RUBCNL: variants seen among roughly 807,000 people sequenced by gnomAD.
RUBCNL encodes protein associated with UVRAG as autophagy enhancer.
A neutral mutation model predicts 69.5 loss-of-function variants in RUBCNL; 62 were observed. The observed-to-expected ratio is 0.89, with a 90% CI of 0.73 to 1.10. The LOEUF is 1.10. Among genes scored for constraint, RUBCNL ranks in the 50% least tolerant of loss-of-function variants. The probability of loss-of-function intolerance (pLI) is 0.00; values close to 1 mark genes in which losing one functional copy is unlikely to be tolerated. For synonymous variants in RUBCNL, 291 were observed against 303.6 expected, an observed-to-expected ratio of 0.96 and a Z score of 0.43; for missense variants, 768 against 798.1, an observed-to-expected ratio of 0.96 and a Z score of 0.45.
intron 2 of RUBCNL, among the ~76,000 whole-genome samples, chr13:46,376,198 G>A (rs1300679940): frequency 6.6e-6 from 1 of 152,088 alleles, no homozygotes; most frequent in African/African-American, 2.4e-5. Flanking sequence ...AAAGTTGTGC[G>A]CAGATTTTCA....
At chr13:46,382,415 T>C (rs949298326) in intron 1 of RUBCNL, among the ~76,000 whole-genome samples, 2 of 150,638 alleles carry the variant, frequency 1.3e-5, no homozygotes, top group Admixed American at 6.6e-5. Flanking sequence ...ATTGTCATGA[T>C]AGAACTATCT....
In RUBCNL at chr13:46,363,147, C is replaced by T. The variant is rs752898928; in HGVS notation, c.893G>A (p.Cys298Tyr). 2 of 1,600,932 alleles carry T rather than the reference C, an allele frequency of 1.2e-6. No individual in the cohort carries two copies. The highest frequency in any genetic ancestry group is 1.1e-5 in the South Asian group (1 of 89,726). The change falls in exon 6 of 15, where the codon TGC (cysteine) becomes TAC (tyrosine). Residue 298 changes from cysteine (C) to tyrosine (Y), a missense_variant. Cys to Tyr is a radical substitution (Grantham distance 194). Coordinates refer to ENST00000429979, the MANE Select transcript of RUBCNL (RefSeq NM_025113.5). ...TRTYHDVKEI[C>Y]KCDVDEFVIL... ...AACAAATTCATCAACATCGCATTTGCAAATCTCTTTCACATCATGGTAAGT... is the reference window on the plus strand; with the variant it reads ...AACAAATTCATCAACATCGCATTTGTAAATCTCTTTCACATCATGGTAAGT...
chr13:46,385,593 T>C (rs2049221256), intron 1 of RUBCNL, among the ~76,000 whole-genome samples: 1 of 150,432 alleles, frequency 6.6e-6, no homozygotes, highest in South Asian at 2.1e-4. Context: ...TGCCTTCAGA[T>C]GGGTGGGGAA....
At chr13:46,372,881 T>C (rs533993636) in intron 2 of RUBCNL, among the ~76,000 whole-genome samples, 1 of 151,910 alleles carries the variant, frequency 6.6e-6, no homozygotes, top group African/African-American at 2.4e-5. Flanking sequence ...ATGTAAAACA[T>C]CCATGCATCA....
At chr13:46,349,464 A>C (rs1594135314) in intron 11 of RUBCNL, 117 bp from the exon 12 acceptor site, 2 of 983,358 alleles carry the variant, frequency 2.0e-6, no homozygotes. Context: ...TATAAAACAA[A>C]CCTTGAAAGC....
At chr13:46,375,405 C>T (rs981174582) in intron 2 of RUBCNL, among the ~76,000 whole-genome samples, 3 of 152,026 alleles carry the variant, frequency 2.0e-5, no homozygotes, top group Non-Finnish European at 2.9e-5. Context: ...TGGTGGCGGG[C>T]GCCTATAATC....
At chr13:46,371,689 C>T (rs998760810) in intron 3 of RUBCNL, among the ~76,000 whole-genome samples, 2 of 152,188 alleles carry the variant, frequency 1.3e-5, no homozygotes, top group East Asian at 1.9e-4. Context: ...TGAAGGCAGA[C>T]GCCAGCTTAA....
intron 2 of RUBCNL, among the ~76,000 whole-genome samples, chr13:46,376,091 A>G (rs2048987176): frequency 2.0e-5 from 3 of 152,216 alleles, no homozygotes; most frequent in African/African-American, 2.4e-5. Flanking sequence ...AGTATTATAC[A>G]CTAACATACA....
intron 1 of RUBCNL, among the ~76,000 whole-genome samples, chr13:46,378,919 C>T (rs2049058436): frequency 6.6e-6 from 1 of 152,108 alleles, no homozygotes; most frequent in African/African-American, 2.4e-5. Context: ...TAAATCTTAC[C>T]TTGTCAGTAA....
chr13:46,364,630 A>T (rs79769604), intron 5 of RUBCNL, among the ~76,000 whole-genome samples: 2 of 53,392 alleles, frequency 3.7e-5, no homozygotes, highest in Non-Finnish European at 6.9e-5. Flanking sequence ...TTTAACTGAT[A>T]AAAAAAAAAA....
Position 46,340,259 on chromosome 13 carries a change from C to A in RUBCNL, c.*3126G>T, listed in dbSNP as rs1316563784. Among the ~76,000 whole-genome samples, 1 of 152,176 alleles carries A rather than the reference C, an allele frequency of 6.6e-6. No homozygotes were observed. On this transcript the variant is annotated 3_prime_UTR_variant, in exon 15 of 15. Transcript: ENST00000429979. ...CACCAGCATAGACCTTTAACATATT[C>A]TTTCATGGGACACAATTCAACCCAC...
intron 8 of RUBCNL, among the ~76,000 whole-genome samples, chr13:46,360,481 TCCAACCGCAG>T (rs1480871127): frequency 1.3e-5 from 2 of 152,212 alleles, no homozygotes; most frequent in Non-Finnish European, 2.9e-5. Flanking sequence ...ACGGGTATTA[TCCAACCGCAG>T]CGAATCACTC....
chr13:46,354,624 C>T (rs1177638137), intron 10 of RUBCNL: 1 of 377,442 alleles, frequency 2.6e-6, no homozygotes, highest in Non-Finnish European at 5.4e-6. Context: ...ACGAACACCC[C>T]TACTTCTGTG....
chr13:46,360,091 A>T (rs906470140), intron 8 of RUBCNL, among the ~76,000 whole-genome samples: 2 of 152,178 alleles, frequency 1.3e-5, no homozygotes, highest in Non-Finnish European at 2.9e-5. Context: ...ACTGTCATTT[A>T]AAATCCAAAC....
upstream of RUBCNL, among the ~76,000 whole-genome samples, chr13:46,388,206 A>AC (rs1375596440): frequency 1.3e-5 from 2 of 149,018 alleles, no homozygotes; most frequent in Admixed American, 1.3e-4. Flanking sequence ...TGTCAAAAAA[A>AC]AAAAAAAAAA....
upstream of RUBCNL, among the ~76,000 whole-genome samples, chr13:46,388,673 C>T (rs1233282603): frequency 6.6e-6 from 1 of 152,194 alleles, no homozygotes; most frequent in African/African-American, 2.4e-5. Flanking sequence ...TGAACCGGTC[C>T]TGGCTTTCTT....
At position 46,338,987 on chromosome 13, in the gene RUBCNL, A is replaced by T. The variant is rs968982910; in HGVS notation, c.*4398T>A. On this transcript the variant is annotated 3_prime_UTR_variant, in exon 15 of 15. Coordinates refer to ENST00000429979, the MANE Select transcript of RUBCNL (RefSeq NM_025113.5). ...GCTTGAACCGGGAAGCAGAGGCTGC[A>T]GTGAACTGAGATCACGCCAACTGCA... 5.3e-5 allele frequency among the ~76,000 whole-genome samples: 8 copies of T among 151,766 alleles called. No homozygotes were observed. Among genetic ancestry groups the T allele is most frequent in the African/African-American group, 1.9e-4 (8 of 41,230 alleles).
At chr13:46,376,030 T>C (rs2048985702) in intron 2 of RUBCNL, among the ~76,000 whole-genome samples, 1 of 152,214 alleles carries the variant, frequency 6.6e-6, no homozygotes. Flanking sequence ...TTCCTTATGG[T>C]TTTCTTAATG....
At chr13:46,362,624 G>A in intron 6 of RUBCNL, 26 bp from the exon 7 acceptor site, 4 of 1,533,080 alleles carry the variant, frequency 2.6e-6, no homozygotes, top group Non-Finnish European at 3.6e-6. Flanking sequence ...AGAAAGAGTG[G>A]TGAGGTCTTT....
Sources: allele counts gnomAD v4.1 joint callset (sites outside exome capture counted in the v4.1 genomes callset), GRCh38; gene constraint gnomAD v4.1.1; transcripts MANE v1.5; gene names NCBI Gene and HGNC (gene_info 2026-07-23, HGNC 2026-07-21).